The following PSTPIP1 variants were observed in gnomAD, a reference collection of about 807,000 sequenced individuals.
PSTPIP1 encodes the protein proline-serine-threonine phosphatase interacting protein 1.
A neutral mutation model predicts 69.6 loss-of-function variants in PSTPIP1; 66 were observed. The observed-to-expected ratio is 0.95, with a 90% CI of 0.78 to 1.16. PSTPIP1 has a LOEUF of 1.16. Among genes scored for constraint, PSTPIP1 ranks in the 50% most tolerant of loss-of-function variants. PSTPIP1 has a pLI of 0.00. For synonymous variants in PSTPIP1, 266 were observed against 222.7 expected, an observed-to-expected ratio of 1.19 and a Z score of -1.73; for missense variants, 603 against 557.4, an observed-to-expected ratio of 1.08 and a Z score of -0.82.
At chr15:77,032,243 C>A (rs1438384206) in intron 10 of PSTPIP1, 55 bp from the exon 11 acceptor site, 8 of 1,574,726 alleles carry the variant, frequency 5.1e-6, no homozygotes, top group Non-Finnish European at 5.2e-6. Flanking sequence ...GAGTTCAGGC[C>A]CACAGAGGGG....
At chr15:76,995,717 A>T (rs1286249104) in intron 1 of PSTPIP1, 108 bp downstream of exon 1, 1 of 1,580,710 alleles carries the variant, frequency 6.3e-7, no homozygotes. Flanking sequence ...TTTCTCATAA[A>T]ATAGTGGTTG....
rs187765023 is a variant in PSTPIP1 at position 77,030,604 on chromosome 15, C to T, written c.642+23C>T. On this transcript the variant is annotated intron_variant, in intron 9 of 14. Transcript: ENST00000558012. ...GAGGTGAGTGGCCCACGTGGAGCCT[C>T]GTTTTCCCCAGCTGGGAAGTGTGAG... 13 of 1,578,058 alleles carry T rather than the reference C, an allele frequency of 8.2e-6. No individual in the cohort carries two copies. The Admixed American group carries it at 1.2e-4, about 14-fold the overall frequency.
Position 77,025,542 on chromosome 15 carries a change from C to A in PSTPIP1, c.292C>A (p.Leu98Met). The change falls in exon 5 of 15, where the codon CTG (leucine) becomes ATG (methionine). Residue 98 changes from leucine to methionine, a missense_variant. Physicochemically the swap from Leu to Met is conservative, Grantham distance 15. Coordinates refer to ENST00000558012, the MANE Select transcript of PSTPIP1 (RefSeq NM_003978.5). The stretch of plus-strand genomic sequence containing the variant: ...CTCACACATCCAGCTGGCCCTGACC[C>A]TGCGTGAGGAGCTGCGGAGTCTCGA... ...GSSHIQLALTLREELRSLEEF... is the reference protein window; with the variant it reads ...GSSHIQLALTMREELRSLEEF... The A allele has an allele frequency of 6.4e-7, 1 of 1,555,372 alleles. No homozygotes were observed. The highest frequency in any genetic ancestry group is 8.7e-7 in the Non-Finnish European group (1 of 1,149,274).
upstream of PSTPIP1, chr15:76,994,847 G>A (rs535702994): frequency 1.7e-4 from 217 of 1,289,126 alleles, 2 homozygotes; most frequent in South Asian, 2.6e-3. Flanking sequence ...TGCTAGTGCG[G>A]GGTGGGGAGT....
intron 1 of PSTPIP1, among the ~76,000 whole-genome samples, chr15:77,016,302 G>A (rs1451949512): frequency 2.0e-5 from 3 of 152,150 alleles, no homozygotes; most frequent in Non-Finnish European, 4.4e-5. Context: ...CCGGGCAGGT[G>A]CAGGAGGCTG....
intron 14 of PSTPIP1, 65 bp from the exon 15 acceptor site, chr15:77,036,980 C>T: frequency 5.1e-6 from 8 of 1,575,668 alleles, no homozygotes; most frequent in Non-Finnish European, 6.9e-6. Flanking sequence ...GAACGCCAGG[C>T]CCCTCCCTGC....
intron 1 of PSTPIP1, among the ~76,000 whole-genome samples, chr15:77,005,972 C>T (rs1010755747): frequency 3.3e-5 from 5 of 152,076 alleles, no homozygotes; most frequent in Admixed American, 3.3e-4. Context: ...TGTTTGAAAC[C>T]CTGCTTTCAA....
intron 1 of PSTPIP1, among the ~76,000 whole-genome samples, chr15:77,005,433 A>G (rs1026526380): frequency 6.6e-6 from 1 of 152,226 alleles, no homozygotes; most frequent in South Asian, 2.1e-4. Flanking sequence ...ATAGGCATAC[A>G]TCTGGTTTTT....
chr15:77,030,479 CCT>C (rs775087018), intron 8 of PSTPIP1, 21 bp from the exon 9 acceptor site: 83 of 1,608,320 alleles, frequency 5.2e-5, no homozygotes, highest in Non-Finnish European at 6.5e-5. Context: ...CAGGGCCCTC[CCT>C]GAGGCTGCCT....
At chr15:77,010,448 C>A (rs1375171817) in intron 1 of PSTPIP1, among the ~76,000 whole-genome samples, 8 of 152,146 alleles carry the variant, frequency 5.3e-5, no homozygotes, top group Non-Finnish European at 1.2e-4. Context: ...TGTGACTTGG[C>A]TCTCCTCAGT....
At chr15:77,025,895 T>C (rs2076269967) in intron 5 of PSTPIP1, among the ~76,000 whole-genome samples, 1 of 152,154 alleles carries the variant, frequency 6.6e-6, no homozygotes, top group African/African-American at 2.4e-5. Context: ...CTAGAGGGTC[T>C]GTGGCAACTT....
rs1195998433 is a variant in PSTPIP1 at position 77,018,454 on chromosome 15, C to T, written c.138-3C>T. On this transcript the variant is annotated splice_polypyrimidine_tract_variant and splice_region_variant and intron_variant, in intron 2 of 14. Transcript: ENST00000558012. ...GATCTTTCAAATGCCCTTTTTTTTG[C>T]AGGGCCCAGGCGGAGGAGCGGTACG... The T allele has an allele frequency of 6.3e-7, 1 of 1,574,924 alleles. No homozygotes were observed.
In PSTPIP1 at chr15:77,028,365, C is replaced by T. The variant is rs889226791; in HGVS notation, c.418-189C>T. 2.5e-5 allele frequency: 14 copies of T among 554,004 alleles called. No individual in the cohort carries two copies. In the Admixed American group the frequency reaches 3.4e-4, roughly 13 times the overall value. The allele number at this position is 554,004 out of a possible 1,614,324, so 34.3% of individuals were successfully genotyped here. A position where few individuals can be genotyped will look rare whatever the true frequency, so the allele number is the denominator to read the frequency against. On this transcript the variant is annotated intron_variant, in intron 6 of 14. Coordinates refer to ENST00000558012, the MANE Select transcript of PSTPIP1 (RefSeq NM_003978.5). ...CAGTGGGGAGGGCCTGAGAGCAGGA[C>T]TACCAGCAGCCCCCACGCCTTCTCT...
At chr15:77,012,144 TCCATCCATCCATCCACCCAC>T (rs1317501079) in intron 1 of PSTPIP1, among the ~76,000 whole-genome samples, 1 of 123,054 alleles carries the variant, frequency 8.1e-6, no homozygotes, top group East Asian at 2.4e-4. Context: ...CATCCATCCA[TCCATCCATCCATCCACCCAC>T]CCACCCACCC....
chr15:77,028,251 C>G, intron 6 of PSTPIP1: 2 of 493,058 alleles, frequency 4.1e-6, no homozygotes, highest in African/African-American at 2.0e-5. Flanking sequence ...CCTAAGAGGG[C>G]GCGGCGTGGC....
chr15:77,026,747 A>G (rs547251614), intron 5 of PSTPIP1, among the ~76,000 whole-genome samples: 1 of 152,348 alleles, frequency 6.6e-6, no homozygotes, highest in Non-Finnish European at 1.5e-5. Flanking sequence ...GGTCCCCAGA[A>G]GCCAGCCCAG....
intron 1 of PSTPIP1, among the ~76,000 whole-genome samples, chr15:76,998,635 T>C (rs1030861702): frequency 1.3e-5 from 2 of 152,156 alleles, no homozygotes; most frequent in Non-Finnish European, 1.5e-5. Flanking sequence ...GAAAGGACGT[T>C]TCACAGGCAG....
intron 11 of PSTPIP1, 23 bp downstream of exon 11, chr15:77,032,417 C>T (rs369809954): frequency 5.3e-5 from 85 of 1,610,508 alleles, no homozygotes; most frequent in South Asian, 1.5e-4. Flanking sequence ...TTGCGGACAG[C>T]GCAGCCTCTA....
chr15:77,012,728 T>C (rs2075971205), intron 1 of PSTPIP1, among the ~76,000 whole-genome samples: 2 of 152,226 alleles, frequency 1.3e-5, no homozygotes, highest in African/African-American at 4.8e-5. Context: ...TGATAATTCC[T>C]GTCTCAGAGG....
Sources: gnomAD v4.1 joint callset for allele counts (sites outside exome capture counted in the v4.1 genomes callset) on GRCh38, gnomAD v4.1.1 for gene constraint, MANE v1.5 for transcripts, NCBI Gene and HGNC (gene_info 2026-07-23, HGNC 2026-07-21) for gene names.